TMTC2: variants seen among roughly 807,000 people sequenced by gnomAD.
The protein encoded by TMTC2 is transmembrane O-mannosyltransferase targeting cadherins 2, also known as protein O-mannosyl-transferase TMTC2.
In TMTC2, 43 loss-of-function variants were observed where a neutral mutation model predicts 82.4. That is an observed-to-expected ratio of 0.52 (90% confidence interval 0.41 to 0.67). TMTC2 has a LOEUF of 0.67. TMTC2 is among the 30% of genes least tolerant of loss of function. TMTC2 has a pLI of 0.00. For synonymous variants in TMTC2, 408 were observed against 381.9 expected (o/e 1.07, Z -0.80); for missense variants, 919 against 1,012.4 (o/e 0.91, Z 1.25).
intron 11 of TMTC2, among the ~76,000 whole-genome samples, chr12:83,109,049 T>C (rs1046249138): frequency 7.9e-5 from 12 of 152,192 alleles, no homozygotes; most frequent in Admixed American, 5.2e-4. Flanking sequence ...CAGAATCTAA[T>C]GCCCAAAAGA....
intron 4 of TMTC2, among the ~76,000 whole-genome samples, chr12:82,944,369 G>A (rs912724069): frequency 5.9e-5 from 9 of 151,996 alleles, no homozygotes; most frequent in Admixed American, 2.0e-4. Context: ...CGGACCACGA[G>A]GTCAGGAGAT....
intron 1 of TMTC2, among the ~76,000 whole-genome samples, chr12:82,719,497 C>T (rs1874091392): frequency 1.3e-5 from 2 of 152,140 alleles, no homozygotes; most frequent in Non-Finnish European, 1.5e-5. Flanking sequence ...GTGACTCTTA[C>T]TTTGCAGATG....
At chr12:82,793,118 T>A (rs1334643288) in intron 1 of TMTC2, among the ~76,000 whole-genome samples, 3 of 152,164 alleles carry the variant, frequency 2.0e-5, no homozygotes, top group Admixed American at 6.5e-5. Context: ...ATAGTATGGC[T>A]AATTATTCAG....
intron 2 of TMTC2, among the ~76,000 whole-genome samples, chr12:82,876,158 TGG>T: frequency 1.3e-5 from 2 of 148,626 alleles, no homozygotes; most frequent in African/African-American, 4.9e-5. Flanking sequence ...GTGGTGGTAG[TGG>T]TGGTAGTGTT....
intron 2 of TMTC2, among the ~76,000 whole-genome samples, chr12:82,858,619 T>TTCGAAACA (rs1160504952): frequency 6.6e-6 from 1 of 152,166 alleles, no homozygotes; most frequent in African/African-American, 2.4e-5. Context: ...GCAAATGCTG[T>TTCGAAACA]TCGAAACATC....
At chr12:82,875,585 G>C (rs1289426155) in intron 2 of TMTC2, among the ~76,000 whole-genome samples, 1 of 152,114 alleles carries the variant, frequency 6.6e-6, no homozygotes, top group Non-Finnish European at 1.5e-5. Context: ...AGCTAAGTCA[G>C]AATTTAGCAT....
At chr12:83,067,940 A>C (rs924512359) in intron 11 of TMTC2, among the ~76,000 whole-genome samples, 1 of 152,124 alleles carries the variant, frequency 6.6e-6, no homozygotes, top group Non-Finnish European at 1.5e-5. Flanking sequence ...AGAGAACTTC[A>C]TATATGCATT....
At chr12:83,012,078 T>A (rs1231308839) in intron 8 of TMTC2, among the ~76,000 whole-genome samples, 1 of 152,206 alleles carries the variant, frequency 6.6e-6, no homozygotes, top group Non-Finnish European at 1.5e-5. Flanking sequence ...TGTGCTCTCA[T>A]GAGAGTAAAT....
chr12:82,861,515 A>C (rs1382538058), intron 2 of TMTC2, among the ~76,000 whole-genome samples: 1 of 152,240 alleles, frequency 6.6e-6, no homozygotes. Flanking sequence ...TGCAAAGGAA[A>C]TATGAAAGTT....
At chr12:83,089,270 T>C (rs922353794) in intron 11 of TMTC2, among the ~76,000 whole-genome samples, 1 of 152,196 alleles carries the variant, frequency 6.6e-6, no homozygotes, top group Non-Finnish European at 1.5e-5. Context: ...CTCTAAAATG[T>C]TTGCTTTTAT....
chr12:82,828,211 C>CTTT lies in TMTC2; in HGVS notation c.84-28781_84-28779dup, dbSNP rs58399725. ...CCTGGCCCTTTTGCTTTTTCTTTGGCTTTTTTTTTTTTTTTTTTTTCTGAG... is the reference window on the plus strand; with the variant it reads ...CCTGGCCCTTTTGCTTTTTCTTTGGCTTTTTTTTTTTTTTTTTTTTTTTCTGAG... On this transcript the variant is annotated intron_variant, in intron 1 of 11. Coordinates refer to ENST00000321196, the MANE Select transcript of TMTC2 (RefSeq NM_152588.3). Among the ~76,000 whole-genome samples, 333 of 109,652 alleles carry CTTT rather than the reference C, an allele frequency of 3.0e-3. 11 individuals are homozygous for CTTT. The highest frequency in any genetic ancestry group is 0.011 in the African/African-American group (302 of 27,290). The allele number at this position is 109,652 out of a possible 152,430, so 71.9% of individuals were successfully genotyped here. A position where few individuals can be genotyped will look rare whatever the true frequency, so the allele number is the denominator to read the frequency against.
intron 4 of TMTC2, among the ~76,000 whole-genome samples, chr12:82,944,501 C>T (rs985517678): frequency 2.1e-4 from 32 of 150,126 alleles, no homozygotes; most frequent in African/African-American, 7.4e-4. Context: ...GGCGTGAACC[C>T]GGGAGATGGC....
chr12:82,831,204 A>G (rs12303364), intron 1 of TMTC2, among the ~76,000 whole-genome samples: 8,417 of 152,270 alleles, frequency 0.055, 782 homozygotes, highest in African/African-American at 0.19. Flanking sequence ...TAAGGTTACT[A>G]TATATCTAGA....
chr12:82,717,559 C>T (rs919400187), intron 1 of TMTC2, among the ~76,000 whole-genome samples: 2 of 152,030 alleles, frequency 1.3e-5, no homozygotes, highest in Non-Finnish European at 2.9e-5. Flanking sequence ...ATTTTTTGTA[C>T]TGTAAGCGTC....
chr12:82,993,903 C>A (rs1879504186), intron 8 of TMTC2, among the ~76,000 whole-genome samples: 1 of 152,044 alleles, frequency 6.6e-6, no homozygotes, highest in Admixed American at 6.6e-5. Flanking sequence ...CTGCTATTTG[C>A]AAAGAGGTAG....
At chr12:82,709,366 T>C (rs1873520828) in intron 1 of TMTC2, among the ~76,000 whole-genome samples, 1 of 152,226 alleles carries the variant, frequency 6.6e-6, no homozygotes, top group South Asian at 2.1e-4. Context: ...AATGTTGGTT[T>C]GTAGATTTAA....
At chr12:82,742,465 A>G (rs1875461822) in intron 1 of TMTC2, among the ~76,000 whole-genome samples, 1 of 152,108 alleles carries the variant, frequency 6.6e-6, no homozygotes, top group African/African-American at 2.4e-5. Context: ...GAGAGTAAAT[A>G]AGAATTTAGT....
intron 11 of TMTC2, among the ~76,000 whole-genome samples, chr12:83,095,423 T>A (rs1057219694): frequency 4.0e-5 from 6 of 151,838 alleles, no homozygotes; most frequent in Non-Finnish European, 8.8e-5. Context: ...TGTATTTTTA[T>A]TAGAGATGGT....
At chr12:82,862,188 A>G (rs1007828690) in intron 2 of TMTC2, among the ~76,000 whole-genome samples, 5 of 152,326 alleles carry the variant, frequency 3.3e-5, no homozygotes, top group Middle Eastern at 3.4e-3. Flanking sequence ...TAGCCTTGCA[A>G]ATACATACTA....
Sources: gnomAD v4.1 joint callset for allele counts (sites outside exome capture counted in the v4.1 genomes callset) on GRCh38, gnomAD v4.1.1 for gene constraint, MANE v1.5 for transcripts, NCBI Gene and HGNC (gene_info 2026-07-23, HGNC 2026-07-21) for gene names.